TTC9C: variants seen among roughly 807,000 people sequenced by gnomAD.
TTC9C encodes tetratricopeptide repeat domain 9C.
A neutral mutation model predicts 22.5 loss-of-function variants in TTC9C; 15 were observed. The ratio of observed to expected loss-of-function variants is 0.67; its 90% CI spans 0.45 to 1.03. The LOEUF (loss-of-function observed/expected upper bound fraction) is 1.03. Ranked by LOEUF, TTC9C falls within the 50% of genes least tolerant of loss-of-function variation. The pLI, the probability that TTC9C is intolerant of heterozygous loss-of-function variation, is 0.00. For missense variants in TTC9C, 244 were observed against 214.6 expected (o/e 1.14, Z -0.86); for synonymous variants, 92 against 86.8 (o/e 1.06, Z -0.33).
chr11:62,729,467 G>A (rs567749008), intron 1 of TTC9C, among the ~76,000 whole-genome samples: 4 of 151,254 alleles, frequency 2.6e-5, no homozygotes, highest in Non-Finnish European at 5.9e-5. Context: ...GGCGCGGTCT[G>A]GGCTCACTGC....
intron 1 of TTC9C, 98 bp downstream of exon 1, chr11:62,729,184 A>C (rs1438254562): frequency 3.8e-6 from 3 of 787,112 alleles, no homozygotes; most frequent in Non-Finnish European, 6.0e-6. Flanking sequence ...TTTTTTTTTT[A>C]CTGTCATCCA....
intron 2 of TTC9C, among the ~76,000 whole-genome samples, chr11:62,737,356 T>C (rs917999990): frequency 6.6e-6 from 1 of 152,194 alleles, no homozygotes; most frequent in Non-Finnish European, 1.5e-5. Context: ...TAACCCCAGG[T>C]ATGACCTAGA....
Position 62,728,942 on chromosome 11 carries a change from C to T in TTC9C, c.94C>T (p.His32Tyr). ...GTACCGAGATGCTGTGAGTAGGTACCATCGAGCTCTGCTTCAGCTGCGGGG... is the reference window on the plus strand; with the variant it reads ...GTACCGAGATGCTGTGAGTAGGTACTATCGAGCTCTGCTTCAGCTGCGGGG... ...GKYRDAVSRY[H>Y]RALLQLRGLD... The change falls in exon 1 of 3, where the codon CAT (histidine) becomes TAT (tyrosine). Residue 32 changes from histidine (H) to tyrosine (Y), a missense_variant. Coordinates refer to ENST00000316461, the MANE Select transcript of TTC9C (RefSeq NM_173810.4). 6.2e-7 allele frequency: 1 copy of T among 1,614,156 alleles called. No individual in the cohort carries two copies. Among genetic ancestry groups the T allele is most frequent in the Non-Finnish European group, 8.5e-7 (1 of 1,180,034 alleles).
intron 1 of TTC9C, 33 bp downstream of exon 1, chr11:62,729,119 A>G: frequency 6.3e-7 from 1 of 1,584,210 alleles, no homozygotes. Flanking sequence ...GCTAGAGAGC[A>G]TTAAGACAGG....
Position 62,735,384 on chromosome 11 carries a change from T to C in TTC9C, c.241T>C (p.Cys81Arg), listed in dbSNP as rs1301678143. The C allele has an allele frequency of 6.2e-7, 1 of 1,613,934 alleles. No homozygotes were observed. The highest frequency in any genetic ancestry group is 8.5e-7 in the Non-Finnish European group (1 of 1,179,864). The change falls in exon 2 of 3, where the codon TGT becomes CGT. Residue 81 changes from cysteine (C) to arginine (R), a missense_variant and splice_region_variant. By Grantham distance (180) the Cys-to-Arg change is radical (BLOSUM62 -3). Coordinates refer to ENST00000316461, the MANE Select transcript of TTC9C (RefSeq NM_173810.4). ...QTDCYNNLAA[C>R]LLQMEPVNYE... ...TCTCTTTTCATTTGGCCCATTAGCTTGTCTCCTTCAGATGGAGCCCGTGAA... is the reference window on the plus strand; with the variant it reads ...TCTCTTTTCATTTGGCCCATTAGCTCGTCTCCTTCAGATGGAGCCCGTGAA...
intron 2 of TTC9C, among the ~76,000 whole-genome samples, chr11:62,737,402 T>TA (rs1197952959): frequency 6.6e-6 from 1 of 152,148 alleles, no homozygotes; most frequent in East Asian, 1.9e-4. Flanking sequence ...ATTTGGGACT[T>TA]ACTTTGTTTC....
upstream of TTC9C, chr11:62,728,483 G>A (rs1449248514): frequency 1.5e-5 from 7 of 475,062 alleles, no homozygotes; most frequent in Admixed American, 1.2e-4. Flanking sequence ...AAAGGCGGAA[G>A]CCAGTGTCCC....
intron 2 of TTC9C, among the ~76,000 whole-genome samples, chr11:62,736,726 G>C (rs1157657814): frequency 6.6e-6 from 1 of 151,352 alleles, no homozygotes; most frequent in Non-Finnish European, 1.5e-5. Context: ...CGTGATGGCA[G>C]GCCCCTGTAA....
At chr11:62,734,795 A>G (rs1234629690) in intron 1 of TTC9C, among the ~76,000 whole-genome samples, 1 of 151,964 alleles carries the variant, frequency 6.6e-6, no homozygotes. Flanking sequence ...TTTTAAATAA[A>G]TTTTAAAGTA....
chr11:62,737,615 A>C (rs988356535), intron 2 of TTC9C, among the ~76,000 whole-genome samples: 1 of 152,236 alleles, frequency 6.6e-6, no homozygotes, highest in East Asian at 1.9e-4. Context: ...GATATAAAAT[A>C]TAAGCCATTT....
rs1458829907 is a variant in TTC9C, at chr11:62,729,092, A to T, written c.238+6A>T. ...CTGCTATAACAATCTAGCTGGTAAG[A>T]ACGGGGCTAAAGGGTGGCTAGAGAG... On this transcript the variant is annotated splice_donor_region_variant and intron_variant, in intron 1 of 2. Coordinates refer to ENST00000316461, the MANE Select transcript of TTC9C (RefSeq NM_173810.4). 2 of 1,612,736 alleles carry T rather than the reference A, an allele frequency of 1.2e-6. No homozygotes were observed. Among genetic ancestry groups the T allele is most frequent in the Non-Finnish European group, 1.7e-6 (2 of 1,178,782 alleles).
At chr11:62,736,692 TC>T (rs1226648853) in intron 2 of TTC9C, among the ~76,000 whole-genome samples, 9 of 138,924 alleles carry the variant, frequency 6.5e-5, no homozygotes, top group African/African-American at 2.1e-4. Flanking sequence ...CGGCTCCGTC[TC>T]GGAAAAAAAA....
At chr11:62,734,240 G>A (rs753917493) in intron 1 of TTC9C, among the ~76,000 whole-genome samples, 7 of 150,548 alleles carry the variant, frequency 4.6e-5, no homozygotes, top group African/African-American at 9.8e-5. Context: ...GGAGGTTGCC[G>A]TGAGCTGAGA....
chr11:62,735,403 C>T lies in TTC9C; in HGVS notation c.260C>T (p.Pro87Leu). 5.0e-6 allele frequency: 8 copies of T among 1,614,080 alleles called. No individual in the cohort carries two copies. The highest frequency in any genetic ancestry group is 5.1e-6 in the Non-Finnish European group (6 of 1,179,982). ...TTAGCTTGTCTCCTTCAGATGGAGC[C>T]CGTGAACTACGAACGAGTGAGAGAA... ...NLAACLLQME[P>L]VNYERVREYS... The change falls in exon 2 of 3, where the codon CCC (proline) becomes CTC (leucine). Residue 87 changes from proline (P) to leucine (L), a missense_variant. Transcript: ENST00000316461.
At chr11:62,729,170 T>C (rs1404724470) in intron 1 of TTC9C, 84 bp downstream of exon 1, 1 of 225,588 alleles carries the variant, frequency 4.4e-6, no homozygotes, top group Non-Finnish European at 6.6e-6. Flanking sequence ...AAACGCTGAC[T>C]TTTTTTTTTT....
chr11:62,729,941 G>A (rs1347969949), intron 1 of TTC9C, among the ~76,000 whole-genome samples: 2 of 152,116 alleles, frequency 1.3e-5, no homozygotes. Flanking sequence ...GCATGCTATA[G>A]GGAAAAACTA....
intron 1 of TTC9C, among the ~76,000 whole-genome samples, chr11:62,730,237 G>A (rs1345755788): frequency 6.6e-6 from 1 of 152,018 alleles, no homozygotes; most frequent in Non-Finnish European, 1.5e-5. Flanking sequence ...ACCACGCCTG[G>A]CTAATTTTTT....
intron 1 of TTC9C, among the ~76,000 whole-genome samples, chr11:62,729,407 ATTTTT>A (rs747026472): frequency 0.04 from 3,295 of 82,020 alleles, 55 homozygotes; most frequent in Middle Eastern, 0.074. Context: ...ATTTTATTTT[ATTTTT>A]TTTTGAGATG....
chr11:62,732,542 G>A (rs1292554325), intron 1 of TTC9C, among the ~76,000 whole-genome samples: 12 of 151,830 alleles, frequency 7.9e-5, no homozygotes, highest in Non-Finnish European at 1.8e-4. Flanking sequence ...CCTGGGAGGC[G>A]GAGGTTGTGG....
Sources: gnomAD v4.1 joint callset for allele counts (sites outside exome capture counted in the v4.1 genomes callset) on GRCh38, gnomAD v4.1.1 for gene constraint, MANE v1.5 for transcripts, NCBI Gene and HGNC (gene_info 2026-07-23, HGNC 2026-07-21) for gene names.